The following NUBPL variants were observed in gnomAD, a reference collection of about 807,000 sequenced individuals.
The protein encoded by NUBPL is NUBP iron-sulfur cluster assembly factor, mitochondrial, also known as iron-sulfur cluster transfer protein NUBPL.
Under a neutral mutation model 45.7 loss-of-function variants are expected in NUBPL, and 31 were observed. That is an observed-to-expected ratio of 0.68 (90% CI 0.51 to 0.92). NUBPL has a LOEUF of 0.92. NUBPL is among the 40% of genes least tolerant of loss of function. NUBPL has a pLI of 0.00. For missense variants in NUBPL, 401 were observed against 398.7 expected (o/e 1.01, Z -0.05); for synonymous variants, 144 against 140.9 (o/e 1.02, Z -0.15).
intron 3 of NUBPL, among the ~76,000 whole-genome samples, chr14:31,595,814 T>C (rs1289023244): frequency 2.6e-5 from 4 of 152,172 alleles, no homozygotes; most frequent in African/African-American, 9.7e-5. Flanking sequence ...TTTATAGCAA[T>C]GGTAACTGTA....
chr14:31,610,574 A>G (rs1320784679), intron 4 of NUBPL, among the ~76,000 whole-genome samples: 1 of 135,606 alleles, frequency 7.4e-6, no homozygotes. Context: ...TGAGGCCAGT[A>G]TTACCCTGAT....
Position 31,653,531 on chromosome 14 carries a change from T to G in NUBPL, c.383-19824T>G, listed in dbSNP as rs548321189. Among the ~76,000 whole-genome samples, 3 of 152,362 alleles carry G rather than the reference T, an allele frequency of 2.0e-5. No homozygotes were observed. In the South Asian group the frequency reaches 6.2e-4, roughly 32 times the overall value. The stretch of plus-strand genomic sequence containing the variant: ...TGCAAGAAGAAAAATATGGCTGTAT[T>G]CTGCCCGACCCCGCAGGCAGTCAGA... On this transcript the variant is annotated intron_variant, in intron 4 of 10. Coordinates refer to ENST00000281081, the MANE Select transcript of NUBPL (RefSeq NM_025152.3).
chr14:31,856,966 C>T (rs185993998), intron 10 of NUBPL, among the ~76,000 whole-genome samples: 1 of 152,326 alleles, frequency 6.6e-6, no homozygotes, highest in African/African-American at 2.4e-5. Context: ...CTCACAACTC[C>T]ACTAGGTCAT....
chr14:31,788,821 T>G (rs2039329419), intron 7 of NUBPL, among the ~76,000 whole-genome samples: 1 of 152,172 alleles, frequency 6.6e-6, no homozygotes, highest in Non-Finnish European at 1.5e-5. Context: ...CTAGTCCTCC[T>G]TTTCTCAGGG....
At chr14:31,837,900 A>T (rs975388407) in intron 8 of NUBPL, among the ~76,000 whole-genome samples, 4 of 152,178 alleles carry the variant, frequency 2.6e-5, no homozygotes, top group Non-Finnish European at 5.9e-5. Context: ...ATGCAGCTGC[A>T]CCTCCGAATC....
intron 4 of NUBPL, among the ~76,000 whole-genome samples, chr14:31,658,887 C>T (rs1431461492): frequency 1.3e-5 from 2 of 152,112 alleles, no homozygotes; most frequent in African/African-American, 4.8e-5. Context: ...TTTATGAGCA[C>T]TTACTTTACT....
intron 7 of NUBPL, among the ~76,000 whole-genome samples, chr14:31,809,061 T>C (rs1260692784): frequency 7.0e-6 from 1 of 143,760 alleles, no homozygotes; most frequent in Non-Finnish European, 1.6e-5. Flanking sequence ...TCATCAGGGA[T>C]ATTGGTCTAA....
chr14:31,609,280 C>T (rs896332112), intron 4 of NUBPL, among the ~76,000 whole-genome samples: 2 of 152,102 alleles, frequency 1.3e-5, no homozygotes, highest in African/African-American at 4.8e-5. Flanking sequence ...GCTATACTTA[C>T]ATCAGACAAA....
chr14:31,780,063 A>ATT (rs368438625), intron 6 of NUBPL, among the ~76,000 whole-genome samples: 1 of 144,306 alleles, frequency 6.9e-6, no homozygotes. Flanking sequence ...GAGAGAGCAC[A>ATT]TTTTTTTTTT....
chr14:31,695,368 T>C (rs2037192613), intron 6 of NUBPL, among the ~76,000 whole-genome samples: 1 of 151,808 alleles, frequency 6.6e-6, no homozygotes, highest in Non-Finnish European at 1.5e-5. Flanking sequence ...TTTTAAATGT[T>C]GCTACTGGAG....
At chr14:31,720,837 A>G (rs2139948662) in intron 6 of NUBPL, among the ~76,000 whole-genome samples, 1 of 152,360 alleles carries the variant, frequency 6.6e-6, no homozygotes, top group Middle Eastern at 3.4e-3. Flanking sequence ...TTATCACTGC[A>G]GAAACTTCTA....
At chr14:31,741,124 G>A (rs1316062351) in intron 6 of NUBPL, among the ~76,000 whole-genome samples, 1 of 152,128 alleles carries the variant, frequency 6.6e-6, no homozygotes, top group African/African-American at 2.4e-5. Flanking sequence ...CTGATACCCT[G>A]TATCTTCAGA....
intron 6 of NUBPL, among the ~76,000 whole-genome samples, chr14:31,679,479 T>A (rs1348948487): frequency 6.6e-6 from 1 of 152,166 alleles, no homozygotes; most frequent in East Asian, 1.9e-4. Flanking sequence ...TATAATTTTT[T>A]ATAGTTTATA....
intron 3 of NUBPL, among the ~76,000 whole-genome samples, chr14:31,590,546 G>T (rs964513939): frequency 5.3e-5 from 8 of 152,176 alleles, no homozygotes; most frequent in Non-Finnish European, 1.2e-4. Flanking sequence ...CTTTTCTTTA[G>T]AAGAGCTGCT....
chr14:31,735,589 C>T (rs898660113), intron 6 of NUBPL, among the ~76,000 whole-genome samples: 1 of 152,010 alleles, frequency 6.6e-6, no homozygotes, highest in Non-Finnish European at 1.5e-5. Flanking sequence ...CGCGGTGGCT[C>T]ACGCCTGTAA....
rs1045154118 is a variant in NUBPL at position 31,859,454 on chromosome 14, G to A, written c.*274G>A. ...ATTGAATTACCCCTTTAGAAATCAC[G>A]AGTTTATGATGTTACAAGTCCATTT... On this transcript the variant is annotated 3_prime_UTR_variant, in exon 11 of 11. Transcript: ENST00000281081. 17 of 440,112 alleles carry A rather than the reference G, an allele frequency of 3.9e-5. No homozygotes were observed. Among genetic ancestry groups the A allele is most frequent in the African/African-American group, 2.6e-4 (13 of 49,906 alleles). 27.3% of individuals were successfully genotyped at this position (440,112 alleles called of 1,614,324 possible). A position where few individuals can be genotyped will look rare whatever the true frequency, so the allele number is the denominator to read the frequency against.
chr14:31,668,090 A>G (rs1376858208), intron 4 of NUBPL: 2 of 152,320 alleles, frequency 1.3e-5, no homozygotes, highest in Non-Finnish European at 2.9e-5. Context: ...CAGTGCTAGG[A>G]TAGGAGATCC....
At chr14:31,647,799 C>T (rs906715475) in intron 4 of NUBPL, among the ~76,000 whole-genome samples, 2 of 152,204 alleles carry the variant, frequency 1.3e-5, no homozygotes, top group African/African-American at 4.8e-5. Context: ...AACTGATTGT[C>T]CACTTTGAAC....
At chr14:31,671,607 G>T (rs760176923) in intron 4 of NUBPL, among the ~76,000 whole-genome samples, 2 of 152,122 alleles carry the variant, frequency 1.3e-5, no homozygotes, top group African/African-American at 4.8e-5. Context: ...CCGTGATAGC[G>T]AAAGGTTATA....
Sources: gnomAD v4.1 joint callset for allele counts (sites outside exome capture counted in the v4.1 genomes callset) on GRCh38, gnomAD v4.1.1 for gene constraint, MANE v1.5 for transcripts, NCBI Gene and HGNC (gene_info 2026-07-23, HGNC 2026-07-21) for gene names.